Variants in LRRC37A2 observed in about 807,000 individuals in gnomAD.
LRRC37A2 encodes leucine rich repeat containing 37 member A2.
A neutral mutation model predicts 68.8 loss-of-function variants in LRRC37A2; 9 were observed. The ratio of observed to expected loss-of-function variants is 0.13; its 90% CI spans 0.08 to 0.23. The LOEUF is 0.23. Among genes scored for constraint, LRRC37A2 ranks in the 10% least tolerant of loss-of-function variants. The probability of loss-of-function intolerance (pLI) is 1.00; values close to 1 mark genes in which losing one functional copy is unlikely to be tolerated. For synonymous variants in LRRC37A2, 63 were observed against 367.6 expected, an observed-to-expected ratio of 0.17 and a Z score of 9.48; for missense variants, 168 against 950.4, an observed-to-expected ratio of 0.18 and a Z score of 10.82.
the LRRC37A2 span, among the ~76,000 whole-genome samples, chr17:47,023,689 G>A: frequency 6.6e-6 from 1 of 152,048 alleles, no homozygotes; most frequent in Non-Finnish European, 1.5e-5. Context: ...CCACCTCCCG[G>A]GTTCAAGCGA....
the LRRC37A2 span, among the ~76,000 whole-genome samples, chr17:46,825,643 G>A: frequency 2.0e-5 from 3 of 152,258 alleles, no homozygotes; most frequent in Non-Finnish European, 4.4e-5. Context: ...ATGAGCAAAA[G>A]CAGCCCAGGT....
chr17:46,959,485 A>G, the LRRC37A2 span, among the ~76,000 whole-genome samples: 9 of 152,054 alleles, frequency 5.9e-5, no homozygotes, highest in Admixed American at 5.9e-4. Flanking sequence ...TGGAACTAAG[A>G]CTTTAGAGCA....
chr17:46,757,799 G>A, the LRRC37A2 span, among the ~76,000 whole-genome samples: 1 of 151,978 alleles, frequency 6.6e-6, no homozygotes, highest in Non-Finnish European at 1.5e-5. Flanking sequence ...TTCAAAACCA[G>A]CCTGGCCAAC....
chr17:46,764,612 T>TC, the LRRC37A2 span: 1 of 152,274 alleles, frequency 6.6e-6, no homozygotes, highest in Non-Finnish European at 1.5e-5. Context: ...CTTCACCCCT[T>TC]CCCAGCGCCC....
At chr17:46,950,085 TAA>T in the LRRC37A2 span, among the ~76,000 whole-genome samples, 1 of 152,252 alleles carries the variant, frequency 6.6e-6, no homozygotes, top group Non-Finnish European at 1.5e-5. Flanking sequence ...GAGCATGGGA[TAA>T]AGACAGGGAG....
the LRRC37A2 span, chr17:46,923,201 CCT>C: frequency 6.5e-7 from 1 of 1,548,622 alleles, no homozygotes; most frequent in Non-Finnish European, 8.7e-7. Context: ...ACATGGATCC[CCT>C]GTTCCAGCAA....
the LRRC37A2 span, among the ~76,000 whole-genome samples, chr17:46,784,092 G>A: frequency 1.2e-4 from 19 of 152,122 alleles, no homozygotes; most frequent in African/African-American, 4.1e-4. Context: ...GGGTCACCGG[G>A]GTCTGTGGCA....
the LRRC37A2 span, chr17:46,756,240 G>A: frequency 6.3e-6 from 1 of 158,516 alleles, no homozygotes; most frequent in African/African-American, 2.4e-5. Context: ...ATGCAAATCT[G>A]GCTTAGTAAA....
chr17:46,405,686 C>T, the LRRC37A2 span, among the ~76,000 whole-genome samples: 1 of 65,498 alleles, frequency 1.5e-5, no homozygotes, highest in Non-Finnish European at 3.4e-5. Flanking sequence ...TGCAGTGAGC[C>T]GAGATCACGC....
chr17:46,962,682 G>A, the LRRC37A2 span, among the ~76,000 whole-genome samples: 10 of 152,318 alleles, frequency 6.6e-5, no homozygotes, highest in East Asian at 1.5e-3. Context: ...CCTTCCAGCT[G>A]TCCCTGCCAA....
At chr17:46,874,070 G>C in the LRRC37A2 span, among the ~76,000 whole-genome samples, 1 of 151,856 alleles carries the variant, frequency 6.6e-6, no homozygotes. Context: ...ACGGTCTGCA[G>C]CCAAGCTAAT....
At chr17:46,854,403 G>A in the LRRC37A2 span, among the ~76,000 whole-genome samples, 8 of 152,196 alleles carry the variant, frequency 5.3e-5, no homozygotes, top group Middle Eastern at 3.4e-3. Context: ...CAGGAGGGCA[G>A]GTGAGGCCGA....
At chr17:46,913,724 G>C in the LRRC37A2 span, among the ~76,000 whole-genome samples, 2 of 152,158 alleles carry the variant, frequency 1.3e-5, no homozygotes, top group Non-Finnish European at 2.9e-5. Context: ...AAAAGGCTTA[G>C]CATGGCAAGG....
chr17:46,994,924 C>A, the LRRC37A2 span, among the ~76,000 whole-genome samples: 1 of 152,162 alleles, frequency 6.6e-6, no homozygotes, highest in Non-Finnish European at 1.5e-5. Context: ...GAGTTTGAGA[C>A]CCGCCTGGGC....
chr17:46,730,680 G>C, the LRRC37A2 span, among the ~76,000 whole-genome samples: 5 of 152,110 alleles, frequency 3.3e-5, no homozygotes, highest in African/African-American at 7.2e-5. Context: ...AAATTTTTCA[G>C]TGTCTTTTCA....
the LRRC37A2 span, among the ~76,000 whole-genome samples, chr17:46,676,113 T>A: frequency 4.4e-5 from 6 of 134,922 alleles, no homozygotes; most frequent in Admixed American, 3.9e-4. Context: ...AAAGGGGTTG[T>A]GTCTATGAAA....
downstream of LRRC37A2, among the ~76,000 whole-genome samples, chr17:46,557,965 C>T (rs1238675302): frequency 2.3e-5 from 3 of 129,320 alleles, no homozygotes; most frequent in East Asian, 6.1e-4. Flanking sequence ...GAAAGCTGAG[C>T]GGTCTGCAGG....
the LRRC37A2 span, chr17:46,722,268 G>C: frequency 3.2e-5 from 31 of 956,500 alleles, no homozygotes; most frequent in African/African-American, 1.3e-4. Flanking sequence ...ATTTTGGGGG[G>C]AGTCTGTAAG....
At chr17:46,982,016 A>G in the LRRC37A2 span, among the ~76,000 whole-genome samples, 1 of 152,156 alleles carries the variant, frequency 6.6e-6, no homozygotes, top group Non-Finnish European at 1.5e-5. Flanking sequence ...ATCACTTTAA[A>G]GATGAAGAAA....
Sources: gnomAD v4.1 joint callset for allele counts (sites outside exome capture counted in the v4.1 genomes callset) on GRCh38, gnomAD v4.1.1 for gene constraint, MANE v1.5 for transcripts, NCBI Gene and HGNC (gene_info 2026-07-23, HGNC 2026-07-21) for gene names.